NRG1: variants seen among roughly 807,000 people sequenced by gnomAD.
NRG1 encodes the protein pro-neuregulin-1, membrane-bound isoform.
Under a neutral mutation model 63.8 loss-of-function variants are expected in NRG1, and 18 were observed. The ratio of observed to expected loss-of-function variants is 0.28; its 90% CI spans 0.19 to 0.42. NRG1 has a LOEUF of 0.42. Among genes scored for constraint, NRG1 ranks in the 10% least tolerant of loss-of-function variants. The pLI is 1.00. For missense variants in NRG1, 762 were observed against 814.7 expected, an observed-to-expected ratio of 0.94 and a Z score of 0.79; for synonymous variants, 302 against 301.3, an observed-to-expected ratio of 1.00 and a Z score of -0.02.
chr8:32,191,941 C>T (rs1323216115), intron 1 of NRG1: 1 of 152,372 alleles, frequency 6.6e-6, no homozygotes, highest in Non-Finnish European at 1.5e-5. Context: ...GATAGCCACA[C>T]TGGCTCCCTT....
chr8:31,641,240 G>GT (rs1317843704), intron 1 of NRG1, among the ~76,000 whole-genome samples: 1 of 152,114 alleles, frequency 6.6e-6, no homozygotes, highest in Non-Finnish European at 1.5e-5. Flanking sequence ...ATGTGGCAGA[G>GT]TTTTTTGGCA....
chr8:32,742,802 T>C lies in NRG1; in HGVS notation c.691+69T>C. On this transcript the variant is annotated intron_variant, in intron 7 of 11. Transcript: ENST00000356819. This position sits in a 1 kb window ranked among gnomAD's most constrained non-coding sequence, Gnocchi z 4.2. ...TCAGTTGGTGCTGCTTTCTTGTTGC[T>C]GCATCTCCCCTCAGATTCCACCTAG... The C allele has an allele frequency of 1.2e-6, 2 of 1,613,072 alleles. No individual in the cohort carries two copies. Among genetic ancestry groups the C allele is most frequent in the Non-Finnish European group, 1.7e-6 (2 of 1,179,260 alleles).
At chr8:32,672,148 G>A (rs1465890548) in intron 5 of NRG1, among the ~76,000 whole-genome samples, 4 of 151,798 alleles carry the variant, frequency 2.6e-5, no homozygotes, top group Middle Eastern at 3.4e-3. Flanking sequence ...GGGTTCCAGC[G>A]ATTCTCCTGC....
chr8:32,316,889 C>T (rs1200451957), intron 1 of NRG1, among the ~76,000 whole-genome samples: 2 of 152,020 alleles, frequency 1.3e-5, no homozygotes, highest in African/African-American at 4.8e-5. Context: ...TGAAAGGGAC[C>T]GTGTAGGCTT....
At chr8:32,356,482 C>CTCG (rs1554517233) in intron 1 of NRG1, among the ~76,000 whole-genome samples, 1 of 131,746 alleles carries the variant, frequency 7.6e-6, no homozygotes, top group African/African-American at 2.9e-5. Flanking sequence ...GGACCCCCCC[C>CTCG]CCACCCGCCG....
intron 1 of NRG1, among the ~76,000 whole-genome samples, chr8:31,873,031 C>T (rs1829619929): frequency 6.6e-6 from 1 of 152,080 alleles, no homozygotes; most frequent in Non-Finnish European, 1.5e-5. Flanking sequence ...AAAAACTTTT[C>T]AGAAGGAGAA....
chr8:32,070,895 C>G (rs1441382861), intron 1 of NRG1, among the ~76,000 whole-genome samples: 1 of 152,154 alleles, frequency 6.6e-6, no homozygotes, highest in Non-Finnish European at 1.5e-5. Flanking sequence ...CTTCTGGTAT[C>G]ACATTCCTGC....
intron 5 of NRG1, among the ~76,000 whole-genome samples, chr8:32,648,691 C>T (rs1208261118): frequency 1.3e-5 from 2 of 152,196 alleles, no homozygotes; most frequent in Non-Finnish European, 2.9e-5. Flanking sequence ...TTATTTCTAA[C>T]ACATTTTAAA....
At chr8:32,008,178 A>C in intron 1 of NRG1, among the ~76,000 whole-genome samples, 1 of 152,160 alleles carries the variant, frequency 6.6e-6, no homozygotes, top group South Asian at 2.1e-4. Context: ...TTAGTGAAGA[A>C]GAGTGTCGGC....
chr8:31,731,430 AC>A (rs1315279464), intron 1 of NRG1, among the ~76,000 whole-genome samples: 1 of 151,858 alleles, frequency 6.6e-6, no homozygotes, highest in African/African-American at 2.4e-5. Context: ...ACACACACAC[AC>A]ACACACACAC....
chr8:31,651,863 TTA>T (rs1804880362), intron 1 of NRG1, among the ~76,000 whole-genome samples: 2 of 152,166 alleles, frequency 1.3e-5, no homozygotes, highest in Admixed American at 1.3e-4. Context: ...TGCTTATAAA[TTA>T]TGTTTCCTCA....
At chr8:32,468,330 T>C (rs1380301497) in intron 1 of NRG1, among the ~76,000 whole-genome samples, 1 of 152,202 alleles carries the variant, frequency 6.6e-6, no homozygotes, top group Non-Finnish European at 1.5e-5. Context: ...GTTAGTTCTT[T>C]TAGTTGGTTC....
chr8:32,748,823 C>A, intron 7 of NRG1: 1 of 389,034 alleles, frequency 2.6e-6, no homozygotes, highest in Non-Finnish European at 5.1e-6. Flanking sequence ...CTATGCCATA[C>A]AGAACTTATA....
rs1211905857 is a variant in NRG1, at chr8:32,153,587, A to C, written c.38-442241A>C. On this transcript the variant is annotated intron_variant, in intron 1 of 10. Coordinates refer to the NRG1 transcript ENST00000519301. ...GATGATAGAAAATTAGTCTATGGCC[A>C]TATCACTGTGAATGCACCAAATCTC... 1.2e-4 allele frequency among the ~76,000 whole-genome samples: 18 copies of C among 152,296 alleles called. 1 individual carries two copies. The South Asian group carries it at 3.5e-3, about 30-fold the overall frequency.
At chr8:32,764,119 C>A (rs80189821) in exon 12 of NRG1, 1 of 1,614,044 alleles carries the variant, frequency 6.2e-7, no homozygotes, top group Admixed American at 1.7e-5. Flanking sequence ...AGCCGGCGGG[C>A]CAAAAGAACC....
intron 1 of NRG1, among the ~76,000 whole-genome samples, chr8:31,705,673 C>T (rs545998589): frequency 3.3e-5 from 5 of 152,164 alleles, no homozygotes; most frequent in Non-Finnish European, 5.9e-5. Context: ...CATTCCTATT[C>T]TTGGCTTTCT....
intron 1 of NRG1, among the ~76,000 whole-genome samples, chr8:32,521,835 C>G (rs1830373646): frequency 6.6e-6 from 1 of 152,132 alleles, no homozygotes; most frequent in South Asian, 2.1e-4. Flanking sequence ...AATGGATGTG[C>G]CTAACTAAAA....
At chr8:31,729,264 A>G (rs1185696688) in intron 1 of NRG1, among the ~76,000 whole-genome samples, 1 of 150,912 alleles carries the variant, frequency 6.6e-6, no homozygotes, top group Non-Finnish European at 1.5e-5. Flanking sequence ...TTTTTATGCT[A>G]CTTTGCAGGA....
rs569569694 is a variant in NRG1, at chr8:31,954,818, A to G, written c.37+315387A>G. ...AGCGATTTCCCCTAGAGATCTGTCA[A>G]TTCACAACTTTGAATTAAGGTCTCT... On this transcript the variant is annotated intron_variant, in intron 1 of 10. Coordinates refer to the NRG1 transcript ENST00000519301. Among the ~76,000 whole-genome samples, 4 of 152,284 alleles carry G rather than the reference A, an allele frequency of 2.6e-5. No individual in the cohort carries two copies. In the South Asian group the frequency reaches 8.3e-4, roughly 32 times the overall value.
Sources: gnomAD v4.1 joint callset for allele counts (sites outside exome capture counted in the v4.1 genomes callset) on GRCh38, gnomAD v4.1.1 for gene constraint, Gnocchi (gnomAD v3.1) non-coding constraint, MANE v1.5 for transcripts, NCBI Gene and HGNC (gene_info 2026-07-23, HGNC 2026-07-21) for gene names.